MEF2A: variants seen among roughly 807,000 people sequenced by gnomAD.
The protein encoded by MEF2A is myocyte enhancer factor 2A.
In MEF2A, 28 loss-of-function variants were observed where a neutral mutation model predicts 55.8. The ratio of observed to expected loss-of-function variants is 0.50; its 90% CI spans 0.37 to 0.69. The LOEUF (loss-of-function observed/expected upper bound fraction) is 0.69, where lower values mean the gene tolerates loss of function less well. Ranked by LOEUF, MEF2A falls within the 30% of genes least tolerant of loss-of-function variation. The pLI, the probability that MEF2A is intolerant of heterozygous loss-of-function variation, is 0.00. For missense variants in MEF2A, 528 were observed against 626.2 expected (o/e 0.84, Z 1.67); for synonymous variants, 239 against 227.1 (o/e 1.05, Z -0.47).
chr15:99,576,651 T>A (rs1468823942), intron 1 of MEF2A, among the ~76,000 whole-genome samples: 1 of 151,656 alleles, frequency 6.6e-6, no homozygotes, highest in Non-Finnish European at 1.5e-5. Context: ...TTTTGTTTTT[T>A]TTTTTTTGAG....
At chr15:99,623,680 T>G (rs1229128189) in intron 2 of MEF2A, among the ~76,000 whole-genome samples, 1 of 152,206 alleles carries the variant, frequency 6.6e-6, no homozygotes, top group East Asian at 1.9e-4. Context: ...TTATTGAACA[T>G]TGGTTTATCT....
At chr15:99,658,811 A>G (rs2048168006) in intron 4 of MEF2A, among the ~76,000 whole-genome samples, 1 of 152,174 alleles carries the variant, frequency 6.6e-6, no homozygotes, top group South Asian at 2.1e-4. Flanking sequence ...GAAAATTTCG[A>G]CAGGGAAAGC....
chr15:99,706,938 A>G, intron 10 of MEF2A, 83 bp downstream of exon 10: 1 of 1,419,956 alleles, frequency 7.0e-7, no homozygotes, highest in East Asian at 2.5e-5. Flanking sequence ...TTTTTTAAGT[A>G]TATTTATTGA....
At chr15:99,651,147 G>T (rs577745208) in intron 4 of MEF2A, among the ~76,000 whole-genome samples, 1 of 152,276 alleles carries the variant, frequency 6.6e-6, no homozygotes, top group Admixed American at 6.5e-5. Flanking sequence ...TTACATTTCA[G>T]TTCGATTCCA....
In MEF2A at chr15:99,570,724, G is replaced by A. The variant is rs538256992; in HGVS notation, c.-225+4620G>A. Among the ~76,000 whole-genome samples the A allele has an allele frequency of 1.8e-4, 27 of 151,290 alleles. No individual in the cohort carries two copies. The South Asian group carries it at 3.1e-3, about 18-fold the overall frequency. ...ACTATATTTGCCTGTTTCACCTCTC[G>A]TCCTCATCCTTAGCTGTCCATCTTC... On this transcript the variant is annotated intron_variant, in intron 1 of 11. Coordinates refer to ENST00000557942, the MANE Select transcript of MEF2A (RefSeq NM_001319206.4).
chr15:99,606,015 A>G (rs1364575941), intron 2 of MEF2A, among the ~76,000 whole-genome samples: 6 of 152,208 alleles, frequency 3.9e-5, no homozygotes, highest in African/African-American at 1.4e-4. Context: ...AACTTTCTCT[A>G]TTAAAAACTT....
chr15:99,595,712 T>C (rs184356172), intron 1 of MEF2A, among the ~76,000 whole-genome samples: 1 of 152,026 alleles, frequency 6.6e-6, no homozygotes, highest in East Asian at 1.9e-4. Context: ...CCCCTGGGAG[T>C]GATGGTGATA....
At chr15:99,700,156 C>T (rs1196391508) in intron 8 of MEF2A, among the ~76,000 whole-genome samples, 1 of 116,914 alleles carries the variant, frequency 8.6e-6, no homozygotes, top group Non-Finnish European at 1.8e-5. Context: ...CTGTGCCCAG[C>T]CAGACACATA....
chr15:99,712,326 G>C lies in MEF2A; in HGVS notation c.1137-64G>C, dbSNP rs911489478. The C allele has an allele frequency of 2.0e-6, 3 of 1,473,774 alleles. No individual in the cohort carries two copies. In the Admixed American group the frequency reaches 6.9e-5, roughly 34 times the overall value. 91.3% of individuals were successfully genotyped at this position (1,473,774 alleles called of 1,614,324 possible). A position where few individuals can be genotyped will look rare whatever the true frequency, so the allele number is the denominator to read the frequency against. ...TTTTCCATCAGGCAGTGTCTCTACT[G>C]TATCATCCCAGTTTTGCAGAGGTAC... On this transcript the variant is annotated intron_variant, in intron 11 of 11. Coordinates refer to ENST00000557942, the MANE Select transcript of MEF2A (RefSeq NM_001319206.4). The surrounding 1 kb of genome is among the most constrained non-coding windows in gnomAD (Gnocchi z 4.1).
At chr15:99,622,079 A>G (rs1006015111) in intron 2 of MEF2A, among the ~76,000 whole-genome samples, 5 of 152,238 alleles carry the variant, frequency 3.3e-5, no homozygotes, top group African/African-American at 9.6e-5. Flanking sequence ...TGTAATCAGT[A>G]TTAGTATTAA....
At position 99,713,361 on chromosome 15, in the gene MEF2A, G is replaced by GTTTTTT. The variant is rs2153835366; in HGVS notation, c.*594_*595insTTTTTT. 4.7e-6 allele frequency: 1 copy of GTTTTTT among 215,024 alleles called. No homozygotes were observed. Among genetic ancestry groups the GTTTTTT allele is most frequent in the East Asian group, 9.5e-5 (1 of 10,524 alleles). 13.3% of individuals were successfully genotyped at this position (215,024 alleles called of 1,614,324 possible). Reference sequence around the variant, plus strand: ...AAACAAAAAAGCCCCACACATAACTGTTTTGCACGTGCAAAAATGTATTGG... The same window carrying GTTTTTT: ...AAACAAAAAAGCCCCACACATAACTGTTTTTTTTTTGCACGTGCAAAAATGTATTGG... On this transcript the variant is annotated 3_prime_UTR_variant, in exon 12 of 12. Transcript: ENST00000557942.
At chr15:99,628,644 T>G (rs2042415831) in intron 2 of MEF2A, among the ~76,000 whole-genome samples, 1 of 152,204 alleles carries the variant, frequency 6.6e-6, no homozygotes, top group African/African-American at 2.4e-5. Context: ...TTTTTTCTAC[T>G]TCCTAATCAA....
In MEF2A at chr15:99,674,497, T is replaced by G; in HGVS notation, c.495T>G (p.Ser165=). 1 of 1,614,022 alleles carries G rather than the reference T, an allele frequency of 6.2e-7. No homozygotes were observed. Among genetic ancestry groups the G allele is most frequent in the Non-Finnish European group, 8.5e-7 (1 of 1,179,890 alleles). ...CAGGGAGTTCACTGGTGTCCCCATC[T>G]TTGGCAGCCAGCTCAACGTTAACAG... ...TNPGSSLVSP[S]LAASSTLTDS... The change falls in exon 6 of 12, where the codon TCT becomes TCG. Residue 165 remains serine (S), a synonymous_variant. Transcript: ENST00000557942.
At chr15:99,625,904 A>G (rs1373371254) in intron 2 of MEF2A, among the ~76,000 whole-genome samples, 1 of 152,062 alleles carries the variant, frequency 6.6e-6, no homozygotes, top group African/African-American at 2.4e-5. Flanking sequence ...GTGTCTATTC[A>G]TAGGGTATAT....
chr15:99,698,374 A>G (rs1217396998), intron 8 of MEF2A, among the ~76,000 whole-genome samples: 3 of 152,272 alleles, frequency 2.0e-5, no homozygotes, highest in Non-Finnish European at 2.9e-5. Flanking sequence ...CACATACTTC[A>G]AAAAGAAGAT....
chr15:99,661,466 A>G (rs1395171987), intron 4 of MEF2A, among the ~76,000 whole-genome samples: 1 of 151,646 alleles, frequency 6.6e-6, no homozygotes, highest in Non-Finnish European at 1.5e-5. Flanking sequence ...ACAATGTATA[A>G]AATTAGCCAA....
intron 2 of MEF2A, among the ~76,000 whole-genome samples, chr15:99,604,138 G>C (rs909779522): frequency 2.0e-5 from 3 of 151,956 alleles, no homozygotes; most frequent in Non-Finnish European, 2.9e-5. Flanking sequence ...GATTATGATG[G>C]GCCTTGTATG....
At chr15:99,594,758 G>A (rs1970597480) in intron 1 of MEF2A, among the ~76,000 whole-genome samples, 1 of 151,980 alleles carries the variant, frequency 6.6e-6, no homozygotes, top group African/African-American at 2.4e-5. Flanking sequence ...TTCTATCTGT[G>A]TGATTTGTGT....
At position 99,583,927 on chromosome 15, in the gene MEF2A, G is replaced by A. The variant is rs1157018978; in HGVS notation, c.-224-14503G>A. ...CTTTGTGAACATCATAGAGTGCACAGTATTTACACAAACTTAGATGGCACA... is the reference window on the plus strand; with the variant it reads ...CTTTGTGAACATCATAGAGTGCACAATATTTACACAAACTTAGATGGCACA... On this transcript the variant is annotated intron_variant, in intron 1 of 11. Transcript: ENST00000557942. Among the ~76,000 whole-genome samples, 12 of 152,078 alleles carry A rather than the reference G, an allele frequency of 7.9e-5. No individual in the cohort carries two copies. The East Asian group carries it at 2.3e-3, about 29-fold the overall frequency.
Sources: allele counts gnomAD v4.1 joint callset (sites outside exome capture counted in the v4.1 genomes callset), GRCh38; gene constraint gnomAD v4.1.1; non-coding constraint Gnocchi (gnomAD v3.1); transcripts MANE v1.5; gene names NCBI Gene and HGNC (gene_info 2026-07-23, HGNC 2026-07-21).